MID1: variants seen among roughly 807,000 people sequenced by gnomAD.
MID1 encodes E3 ubiquitin-protein ligase Midline-1.
Under a neutral mutation model 40.4 loss-of-function variants are expected in MID1, and 7 were observed. That is an observed-to-expected ratio of 0.17 (90% CI 0.10 to 0.33). The LOEUF (loss-of-function observed/expected upper bound fraction) is 0.33, where lower values mean the gene tolerates loss of function less well. Ranked by LOEUF, MID1 falls within the 10% of genes least tolerant of loss-of-function variation. The pLI, the probability that MID1 is intolerant of heterozygous loss-of-function variation, is 1.00. For missense variants in MID1, 367 were observed against 558.5 expected, an observed-to-expected ratio of 0.66 and a Z score of 3.46; for synonymous variants, 229 against 221.2, an observed-to-expected ratio of 1.04 and a Z score of -0.31.
chrX:10,769,729 G>A (rs1306249996), intron 1 of MID1, among the ~76,000 whole-genome samples: 1 of 111,789 alleles, frequency 8.9e-6, no homozygotes, highest in African/African-American at 3.3e-5. Flanking sequence ...AACAAATCAA[G>A]GCAAATATCT....
chrX:10,620,677 C>T (rs1935922311), upstream of MID1: 1 of 111,965 alleles, frequency 8.9e-6, no homozygotes, highest in Non-Finnish European at 1.9e-5. Context: ...AGGCTGCCTC[C>T]GCGAGGATTA....
intron 1 of MID1, among the ~76,000 whole-genome samples, chrX:10,728,393 A>C (rs2043414060): frequency 8.9e-6 from 1 of 111,873 alleles, no homozygotes; most frequent in Non-Finnish European, 1.9e-5. Context: ...CAGTTCAATA[A>C]ACGTTTATTG....
intron 1 of MID1, among the ~76,000 whole-genome samples, chrX:10,656,286 T>C (rs138573437): frequency 1.9e-3 from 213 of 111,892 alleles, no homozygotes; most frequent in African/African-American, 6.7e-3. Context: ...ACCTGTGCTT[T>C]GTCCAGGATA....
At chrX:10,695,123 A>G (rs1234204982) in intron 1 of MID1, among the ~76,000 whole-genome samples, 1 of 111,792 alleles carries the variant, frequency 8.9e-6, no homozygotes, top group Non-Finnish European at 1.9e-5. Context: ...AGAACCTAAG[A>G]TTGGCCCCTT....
intron 1 of MID1, among the ~76,000 whole-genome samples, chrX:10,774,380 C>T (rs889230765): frequency 2.7e-5 from 3 of 110,377 alleles, no homozygotes; most frequent in African/African-American, 9.9e-5. Flanking sequence ...TCCAGTCCTG[C>T]AGGTACCTTT....
chrX:10,528,717 A>T (rs1409134948), intron 2 of MID1, among the ~76,000 whole-genome samples: 1 of 112,000 alleles, frequency 8.9e-6, no homozygotes, highest in Non-Finnish European at 1.9e-5. Context: ...ACTGATAAAC[A>T]TCTGCTTCTG....
intron 1 of MID1, among the ~76,000 whole-genome samples, chrX:10,655,069 A>T (rs187726142): frequency 8.9e-6 from 1 of 112,361 alleles, no homozygotes; most frequent in African/African-American, 3.2e-5. Flanking sequence ...GAAATAAATC[A>T]AATTTTCCTT....
At chrX:10,767,208 T>C (rs2043736625) in intron 1 of MID1, among the ~76,000 whole-genome samples, 1 of 112,624 alleles carries the variant, frequency 8.9e-6, no homozygotes, top group Admixed American at 9.4e-5. Context: ...GGGTATGTGA[T>C]TGAAAACATT....
intron 3 of MID1, among the ~76,000 whole-genome samples, chrX:10,503,859 T>C (rs764616128): frequency 8.0e-5 from 9 of 111,910 alleles, no homozygotes; most frequent in Non-Finnish European, 1.5e-4. Flanking sequence ...CTGTGGTGAG[T>C]AGAGCAATTA....
intron 1 of MID1, among the ~76,000 whole-genome samples, chrX:10,768,436 C>T (rs780059063): frequency 1.8e-5 from 2 of 111,606 alleles, no homozygotes; most frequent in South Asian, 3.7e-4. Flanking sequence ...GTCAGAAGGG[C>T]GTGTCACTTT....
chrX:10,588,832 C>T (rs1302036677), intron 1 of MID1, among the ~76,000 whole-genome samples: 4 of 111,364 alleles, frequency 3.6e-5, no homozygotes, highest in Non-Finnish European at 7.5e-5. Context: ...CTACCTTGTG[C>T]CATACCTTTG....
At chrX:10,652,817 C>A (rs996408982) in intron 1 of MID1, among the ~76,000 whole-genome samples, 4 of 111,552 alleles carry the variant, frequency 3.6e-5, no homozygotes, top group African/African-American at 9.8e-5. Context: ...AGGATATCAG[C>A]ATGATTTGCA....
At chrX:10,503,214 T>C (rs7059347) in intron 3 of MID1, among the ~76,000 whole-genome samples, 7,746 of 111,610 alleles carry the variant, frequency 0.069, 547 homozygotes, top group African/African-American at 0.21. Context: ...GGGCAAAAGT[T>C]AGACAGAGCT....
intron 2 of MID1, among the ~76,000 whole-genome samples, chrX:10,552,881 T>C (rs192459765): frequency 2.1e-4 from 23 of 112,127 alleles, no homozygotes; most frequent in Non-Finnish European, 3.6e-4. Context: ...TTTTGTTTTT[T>C]TTCCCTTAAG....
intron 4 of MID1, among the ~76,000 whole-genome samples, chrX:10,492,410 C>T (rs1930998974): frequency 9.0e-6 from 1 of 111,723 alleles, no homozygotes; most frequent in Non-Finnish European, 1.9e-5. Context: ...GTTGCCTTCA[C>T]CTGGCCCTTG....
intron 1 of MID1, among the ~76,000 whole-genome samples, chrX:10,607,220 C>T (rs1165758981): frequency 8.9e-6 from 1 of 111,946 alleles, no homozygotes; most frequent in East Asian, 2.8e-4. Flanking sequence ...TATCAAGTTT[C>T]AGCAAACCCA....
At chrX:10,811,207 T>C (rs1476067069) in intron 1 of MID1, among the ~76,000 whole-genome samples, 1 of 112,211 alleles carries the variant, frequency 8.9e-6, no homozygotes, top group African/African-American at 3.2e-5. Context: ...TTCAGACACC[T>C]TCTGTATCTG....
chrX:10,641,375 G>T (rs1936193169), intron 1 of MID1, among the ~76,000 whole-genome samples: 1 of 112,013 alleles, frequency 8.9e-6, no homozygotes, highest in South Asian at 3.7e-4. Context: ...ACAACCATCA[G>T]AGAATACTAT....
At chrX:10,714,152 A>G (rs2043286118) in intron 1 of MID1, among the ~76,000 whole-genome samples, 1 of 112,496 alleles carries the variant, frequency 8.9e-6, no homozygotes, top group African/African-American at 3.2e-5. Context: ...TACAGGCTCC[A>G]TAGCAAGATG....
Sources: allele counts gnomAD v4.1 joint callset (sites outside exome capture counted in the v4.1 genomes callset), GRCh38; gene constraint gnomAD v4.1.1; transcripts MANE v1.5; gene names NCBI Gene and HGNC (gene_info 2026-07-23, HGNC 2026-07-21).